The following COMMD10 variants were observed in gnomAD, a reference collection of about 807,000 sequenced individuals.
COMMD10 encodes the protein COMM domain-containing protein 10.
COMMD10 carries 33 observed loss-of-function variants against 28.9 expected under a neutral mutation model. The ratio of observed to expected loss-of-function variants is 1.14; its 90% CI spans 0.87 to 1.53. The LOEUF is 1.53. Ranked by LOEUF, COMMD10 falls within the 40% of genes most tolerant of loss-of-function variation. COMMD10 has a pLI of 0.00. For missense variants in COMMD10, 310 were observed against 233.4 expected (o/e 1.33, Z -2.14); for synonymous variants, 110 against 81.7 (o/e 1.35, Z -1.87).
intron 4 of COMMD10, among the ~76,000 whole-genome samples, chr5:116,107,620 A>C (rs1750884503): frequency 6.6e-6 from 1 of 152,056 alleles, no homozygotes; most frequent in Admixed American, 6.5e-5. Flanking sequence ...GCATTGGGTT[A>C]GAACATGCGC....
At position 116,147,447 on chromosome 5, in the gene COMMD10, T is replaced by G. The variant is rs73253267; in HGVS notation, c.510+13269T>G. ...GCTTGTTTCGTAAATGTTTGATTCC[T>G]AAGTATAATCAATGAATAGCAAATT... is the stretch of plus-strand genomic sequence containing the variant. On this transcript the variant is annotated intron_variant, in intron 5 of 6. Transcript: ENST00000274458. Among the ~76,000 whole-genome samples, 1,203 of 152,038 alleles carry G rather than the reference T, an allele frequency of 7.9e-3. 16 individuals carry two copies. Among genetic ancestry groups the G allele is most frequent in the African/African-American group, 0.027 (1,114 of 41,530 alleles).
At chr5:116,210,012 C>A (rs776229249) in intron 5 of COMMD10, among the ~76,000 whole-genome samples, 1 of 152,124 alleles carries the variant, frequency 6.6e-6, no homozygotes, top group Non-Finnish European at 1.5e-5. Flanking sequence ...CTTCTTGCTG[C>A]ATCATTATGT....
In COMMD10 at chr5:116,101,668, G is replaced by A. The variant is rs527817219; in HGVS notation, c.399+8968G>A. ...TCTCGAACTCCTGACCTTGTGATCC[G>A]CTTGCCTCAGCCTCCCAAAGTGTGG... On this transcript the variant is annotated intron_variant, in intron 4 of 6. Coordinates refer to ENST00000274458, the MANE Select transcript of COMMD10 (RefSeq NM_016144.4). Among the ~76,000 whole-genome samples the A allele has an allele frequency of 7.9e-5, 12 of 152,130 alleles. No homozygotes were observed. The South Asian group carries it at 2.1e-3, about 26-fold the overall frequency.
At chr5:116,160,145 T>C (rs532955118) in intron 5 of COMMD10, among the ~76,000 whole-genome samples, 3 of 152,292 alleles carry the variant, frequency 2.0e-5, no homozygotes, top group African/African-American at 7.2e-5. Flanking sequence ...ACTAGACCCT[T>C]GAACCTATTT....
intron 5 of COMMD10, among the ~76,000 whole-genome samples, chr5:116,275,812 A>G (rs1308341518): frequency 6.6e-6 from 1 of 151,652 alleles, no homozygotes; most frequent in Non-Finnish European, 1.5e-5. Context: ...ATAAGGCATA[A>G]ACTGCTAATG....
intron 5 of COMMD10, among the ~76,000 whole-genome samples, chr5:116,212,672 A>G (rs528223307): frequency 6.6e-6 from 1 of 152,268 alleles, no homozygotes; most frequent in Non-Finnish European, 1.5e-5. Context: ...ATTGAAATTA[A>G]ATAATGAATT....
chr5:116,208,900 G>T (rs747191351), intron 5 of COMMD10, among the ~76,000 whole-genome samples: 2 of 152,136 alleles, frequency 1.3e-5, no homozygotes, highest in Non-Finnish European at 2.9e-5. Context: ...TGCAGGTACT[G>T]TTTATCCATT....
Position 116,293,258 on chromosome 5 carries a change from T to C in COMMD10, c.*769T>C. On this transcript the variant is annotated 3_prime_UTR_variant, in exon 7 of 7. Coordinates refer to ENST00000274458, the MANE Select transcript of COMMD10 (RefSeq NM_016144.4). ...ATTCTCTTTCCATAAATACGTTGATTTCTGTCAATAAAATTTTTGTGTCTT... is the reference window on the plus strand; with the variant it reads ...ATTCTCTTTCCATAAATACGTTGATCTCTGTCAATAAAATTTTTGTGTCTT... The C allele has an allele frequency of 2.8e-6, 1 of 352,086 alleles. No individual in the cohort carries two copies. Among genetic ancestry groups the C allele is most frequent in the Non-Finnish European group, 5.1e-6 (1 of 197,278 alleles). 21.8% of individuals were successfully genotyped at this position (352,086 alleles called of 1,614,324 possible).
chr5:116,270,328 A>G (rs1580600833), intron 5 of COMMD10, among the ~76,000 whole-genome samples: 2 of 151,864 alleles, frequency 1.3e-5, no homozygotes, highest in South Asian at 4.1e-4. Flanking sequence ...TAAATATTTC[A>G]TAATTGAAAA....
chr5:116,275,179 A>C (rs954469526), intron 5 of COMMD10, among the ~76,000 whole-genome samples: 4 of 151,840 alleles, frequency 2.6e-5, no homozygotes, highest in Non-Finnish European at 5.9e-5. Context: ...TCTTTCATTG[A>C]AAGAATCAGT....
chr5:116,087,197 C>T (rs539652812), intron 1 of COMMD10, among the ~76,000 whole-genome samples: 6 of 152,124 alleles, frequency 3.9e-5, no homozygotes, highest in South Asian at 2.1e-4. Context: ...TTTATATAAA[C>T]GCTCTACTAA....
intron 5 of COMMD10, among the ~76,000 whole-genome samples, chr5:116,259,525 G>A (rs1750380810): frequency 6.6e-6 from 1 of 151,326 alleles, no homozygotes; most frequent in South Asian, 2.1e-4. Context: ...TTTTCCTCAA[G>A]TGTTTGGTGA....
chr5:116,273,371 G>A (rs1350700978), intron 5 of COMMD10, among the ~76,000 whole-genome samples: 1 of 151,790 alleles, frequency 6.6e-6, no homozygotes, highest in Non-Finnish European at 1.5e-5. Context: ...AAAAAGTGAT[G>A]TTTGATAGAT....
intron 4 of COMMD10, among the ~76,000 whole-genome samples, chr5:116,121,779 C>T (rs1326065504): frequency 6.6e-6 from 1 of 151,670 alleles, no homozygotes. Context: ...TAGATGTCTT[C>T]TTTTGAGAAG....
intron 5 of COMMD10, among the ~76,000 whole-genome samples, chr5:116,275,528 A>C (rs1285833699): frequency 6.6e-6 from 1 of 151,138 alleles, no homozygotes; most frequent in African/African-American, 2.5e-5. Context: ...TTGGACTCGT[A>C]AGCTCAAGGA....
In COMMD10 at chr5:116,289,012, G is replaced by A. The variant is rs192286599; in HGVS notation, c.511-2505G>A. On this transcript the variant is annotated intron_variant, in intron 5 of 6. Coordinates refer to ENST00000274458, the MANE Select transcript of COMMD10 (RefSeq NM_016144.4). Reference sequence around the variant, plus strand: ...TTCTCCTGCCTCAGCCTCCTGAGTAGCTGGGATTAAAGGTGCATGCCACCA... The same window carrying A: ...TTCTCCTGCCTCAGCCTCCTGAGTAACTGGGATTAAAGGTGCATGCCACCA... 1.6e-3 allele frequency among the ~76,000 whole-genome samples: 246 copies of A among 150,740 alleles called. 3 individuals are homozygous for A. The highest frequency in any genetic ancestry group is 4.7e-3 in the African/African-American group (193 of 40,732).
chr5:116,159,821 G>T (rs1180989635), intron 5 of COMMD10, among the ~76,000 whole-genome samples: 1 of 152,130 alleles, frequency 6.6e-6, no homozygotes, highest in Non-Finnish European at 1.5e-5. Flanking sequence ...AAAAGGAAGA[G>T]TATACACAAT....
At chr5:116,086,278 G>A (rs993577163) in intron 1 of COMMD10, among the ~76,000 whole-genome samples, 7 of 152,090 alleles carry the variant, frequency 4.6e-5, no homozygotes, top group African/African-American at 9.7e-5. Flanking sequence ...GGTTCTGATC[G>A]CCAGTTTCTT....
At chr5:116,152,832 G>C (rs1019563086) in intron 5 of COMMD10, among the ~76,000 whole-genome samples, 2 of 152,048 alleles carry the variant, frequency 1.3e-5, no homozygotes, top group African/African-American at 4.8e-5. Flanking sequence ...AAGAAAATAT[G>C]AGAATTATAA....
Sources: allele counts gnomAD v4.1 joint callset (sites outside exome capture counted in the v4.1 genomes callset), GRCh38; gene constraint gnomAD v4.1.1; transcripts MANE v1.5; gene names NCBI Gene and HGNC (gene_info 2026-07-23, HGNC 2026-07-21).